The following TULP3 variants were observed in gnomAD, a reference collection of about 807,000 sequenced individuals.
TULP3 encodes the protein TUB like protein 3.
Under a neutral mutation model 50.7 loss-of-function variants are expected in TULP3, and 38 were observed. The observed-to-expected ratio is 0.75, with a 90% CI of 0.58 to 0.98. The LOEUF (loss-of-function observed/expected upper bound fraction) is 0.98. Ranked by LOEUF, TULP3 falls within the 50% of genes least tolerant of loss-of-function variation. The pLI is 0.00. For missense variants in TULP3, 550 were observed against 568.0 expected (o/e 0.97, Z 0.32); for synonymous variants, 183 against 196.6 (o/e 0.93, Z 0.58).
In TULP3 at chr12:2,922,256, C is replaced by T. The variant is rs2098192228; in HGVS notation, c.254-6C>T. 1 of 1,605,992 alleles carries T rather than the reference C, an allele frequency of 6.2e-7. No homozygotes were observed. The highest frequency in any genetic ancestry group is 1.3e-5 in the African/African-American group (1 of 74,444). The stretch of plus-strand genomic sequence containing the variant: ...TTTTTAAAATTCATTTTATTTTGGC[C>T]CTTAGGTATTGATGGTCCAGCTGCT... On this transcript the variant is annotated splice_region_variant and splice_polypyrimidine_tract_variant and intron_variant, in intron 3 of 10. Coordinates refer to ENST00000448120, the MANE Select transcript of TULP3 (RefSeq NM_003324.5).
At chr12:2,895,854 A>G (rs10848723) in intron 1 of TULP3, among the ~76,000 whole-genome samples, 74,297 of 151,802 alleles carry the variant, frequency 0.49, 18,894 homozygotes, top group African/African-American at 0.64. Flanking sequence ...AAAGCTATAC[A>G]GCCTGTTACT....
At chr12:2,926,465 A>G (rs139695668) in intron 4 of TULP3, among the ~76,000 whole-genome samples, 184 of 152,372 alleles carry the variant, frequency 1.2e-3, no homozygotes, top group African/African-American at 4.3e-3. Context: ...CACCTGGGCA[A>G]CAGAGTGAAA....
chr12:2,918,942 G>T (rs1353078535), intron 2 of TULP3, among the ~76,000 whole-genome samples: 1 of 151,738 alleles, frequency 6.6e-6, no homozygotes, highest in East Asian at 1.9e-4. Flanking sequence ...ACCCAGGCTG[G>T]AGTGTAGTGG....
In TULP3 at chr12:2,920,837, G is replaced by T. The variant is rs369808122; in HGVS notation, c.168G>T (p.Arg56Ser). The change falls in exon 3 of 11, where the codon AGG (arginine) becomes AGT (serine). Residue 56 changes from arginine (R) to serine (S), a missense_variant. Transcript: ENST00000448120. The stretch of plus-strand genomic sequence containing the variant: ...TGGTGCAGCCCAATCCAGAAGCCAG[G>T]CTACGTCGGGCAAAGCCAAGGGCCA... ...PFMVQPNPEA[R>S]LRRAKPRASD... 9.3e-6 allele frequency: 15 copies of T among 1,613,984 alleles called. No individual in the cohort carries two copies. The highest frequency in any genetic ancestry group is 1.1e-5 in the Non-Finnish European group (13 of 1,180,030).
intron 4 of TULP3, among the ~76,000 whole-genome samples, chr12:2,923,976 G>A (rs534816010): frequency 1.6e-3 from 242 of 152,230 alleles, no homozygotes; most frequent in Non-Finnish European, 2.6e-3. Context: ...GCAGGACCCC[G>A]TCTCAACAAC....
At chr12:2,930,645 G>A (rs1372995351) in intron 5 of TULP3, among the ~76,000 whole-genome samples, 1 of 151,766 alleles carries the variant, frequency 6.6e-6, no homozygotes, top group South Asian at 2.1e-4. Context: ...GGATGGTCTC[G>A]ATCTCCTGAC....
chr12:2,940,926 C>T lies in TULP3; in HGVS notation c.*1482C>T, dbSNP rs933043554. The T allele has an allele frequency of 1.4e-5, 8 of 574,598 alleles. No individual in the cohort carries two copies. Among genetic ancestry groups the T allele is most frequent in the Middle Eastern group, 6.2e-4 (2 of 3,240 alleles). 35.6% of individuals were successfully genotyped at this position (574,598 alleles called of 1,614,324 possible). A position where few individuals can be genotyped will look rare whatever the true frequency, so the allele number is the denominator to read the frequency against. ...CTGAGGCACTGCCTGGCAGATAACC[C>T]TGGTTGGCCACAGAAGCTATTAATA... On this transcript the variant is annotated 3_prime_UTR_variant, in exon 11 of 11. Coordinates refer to ENST00000448120, the MANE Select transcript of TULP3 (RefSeq NM_003324.5).
At chr12:2,933,858 G>A (rs1459937094) in intron 7 of TULP3, among the ~76,000 whole-genome samples, 2 of 152,094 alleles carry the variant, frequency 1.3e-5, no homozygotes, top group Non-Finnish European at 2.9e-5. Context: ...GCTGAAGCAC[G>A]AGAATTGCTT....
chr12:2,933,089 T>C (rs1333590431), intron 6 of TULP3, among the ~76,000 whole-genome samples: 3 of 151,938 alleles, frequency 2.0e-5, no homozygotes, highest in Non-Finnish European at 2.9e-5. Context: ...ACTGCAGGCG[T>C]CTGCAACCAC....
At chr12:2,914,941 G>C (rs753270035) in intron 2 of TULP3, among the ~76,000 whole-genome samples, 1 of 150,786 alleles carries the variant, frequency 6.6e-6, no homozygotes, top group African/African-American at 2.4e-5. Context: ...CAAGATACTC[G>C]TTTTCAGGGT....
At position 2,938,148 on chromosome 12, in the gene TULP3, G is replaced by C; in HGVS notation, c.1058G>C (p.Arg353Thr). 1 of 1,614,190 alleles carries C rather than the reference G, an allele frequency of 6.2e-7. No individual in the cohort carries two copies. Among genetic ancestry groups the C allele is most frequent in the Non-Finnish European group, 8.5e-7 (1 of 1,180,036 alleles). Residue 353 changes from arginine (R) to threonine (T), a missense_variant, in exon 10 of 11, where the codon AGA becomes ACA. Transcript: ENST00000448120. ...AGTTTGCTCTCAAGGTGGCAGAACA[G>C]AACTATGGAAAATCTGGTTGAGCTG... ...HDSLLSRWQN[R>T]TMENLVELHN...
intron 4 of TULP3, 108 bp from the exon 5 acceptor site, chr12:2,930,140 G>A (rs1477197336): frequency 2.7e-6 from 2 of 748,376 alleles, no homozygotes; most frequent in Non-Finnish European, 4.3e-6. Flanking sequence ...TGTGTTTACG[G>A]TCAGAATAGT....
chr12:2,912,471 A>G (rs769219532), intron 2 of TULP3, among the ~76,000 whole-genome samples: 2 of 152,170 alleles, frequency 1.3e-5, no homozygotes, highest in Non-Finnish European at 2.9e-5. Flanking sequence ...GTTACCCTCA[A>G]TGGAGGTGGC....
intron 4 of TULP3, among the ~76,000 whole-genome samples, chr12:2,923,613 T>C (rs913749335): frequency 8.8e-5 from 13 of 146,980 alleles, no homozygotes; most frequent in African/African-American, 3.3e-4. Context: ...ATTGCACCAT[T>C]GCACTCCAGC....
rs1057360909 is a variant in TULP3 at position 2,931,114 on chromosome 12, C to T, written c.570C>T (p.Asp190=). The change falls in exon 6 of 11, where the codon GAC becomes GAT. Residue 190 remains aspartate (D), a synonymous_variant. Coordinates refer to ENST00000448120, the MANE Select transcript of TULP3 (RefSeq NM_003324.5). Reference sequence around the variant, plus strand: ...TGGGAGACATAGACGACCTGGAGGACTTTGTGTATAGTCCTGCCCCTCAAG... The same window carrying T: ...TGGGAGACATAGACGACCTGGAGGATTTTGTGTATAGTCCTGCCCCTCAAG... ...NLLGDIDDLE[D]FVYSPAPQGV... is the part of the protein sequence containing the mutation. 2 of 1,614,126 alleles carry T rather than the reference C, an allele frequency of 1.2e-6. No homozygotes were observed. Among genetic ancestry groups the T allele is most frequent in the Non-Finnish European group, 1.7e-6 (2 of 1,180,038 alleles).
intron 1 of TULP3, among the ~76,000 whole-genome samples, chr12:2,906,390 G>A (rs1022961659): frequency 9.9e-5 from 15 of 150,960 alleles, no homozygotes; most frequent in East Asian, 8.2e-4. Flanking sequence ...GTGCAGTGGC[G>A]CAATCTTGGC....
At chr12:2,905,727 A>G (rs1309816377) in intron 1 of TULP3, among the ~76,000 whole-genome samples, 2 of 152,030 alleles carry the variant, frequency 1.3e-5, no homozygotes, top group Non-Finnish European at 2.9e-5. Flanking sequence ...AGTGGTGTCT[A>G]GATGTACTGT....
intron 4 of TULP3, among the ~76,000 whole-genome samples, chr12:2,923,271 T>TAATATGAATC (rs2098192822): frequency 6.6e-6 from 1 of 152,200 alleles, no homozygotes; most frequent in Non-Finnish European, 1.5e-5. Flanking sequence ...CAAACATTGC[T>TAATATGAATC]AGGTCCTGGC....
intron 1 of TULP3, among the ~76,000 whole-genome samples, chr12:2,902,352 C>T (rs1035358089): frequency 2.0e-5 from 3 of 152,204 alleles, no homozygotes; most frequent in African/African-American, 7.2e-5. Context: ...AAGCAACGGG[C>T]TGCTCACAGG....
Sources: allele counts gnomAD v4.1 joint callset (sites outside exome capture counted in the v4.1 genomes callset), GRCh38; gene constraint gnomAD v4.1.1; transcripts MANE v1.5; gene names NCBI Gene and HGNC (gene_info 2026-07-23, HGNC 2026-07-21).